Variants in TYRO3 observed in about 807,000 individuals in gnomAD.
TYRO3 encodes the protein tyrosine-protein kinase receptor TYRO3.
In TYRO3, 38 loss-of-function variants were observed where a neutral mutation model predicts 95.2. The observed-to-expected ratio is 0.40, with a 90% CI of 0.31 to 0.52. TYRO3 has a LOEUF of 0.52. Ranked by LOEUF, TYRO3 falls within the 20% of genes least tolerant of loss-of-function variation. The pLI is 0.56. For synonymous variants in TYRO3, 367 were observed against 432.9 expected (o/e 0.85, Z 1.89); for missense variants, 812 against 1,116.4 (o/e 0.73, Z 3.89).
rs751440947 is a variant in TYRO3 at position 41,562,679 on chromosome 15, G to A, written c.541G>A (p.Gly181Arg). The A allele has an allele frequency of 5.6e-6, 9 of 1,613,908 alleles. No homozygotes were observed. The highest frequency in any genetic ancestry group is 5.0e-5 in the Admixed American group (3 of 59,988). Residue 181 changes from glycine (G) to arginine (R), a missense_variant, in exon 4 of 19, where the codon GGG (glycine) becomes AGG (arginine). Gly to Arg is a moderately radical substitution (Grantham distance 125, BLOSUM62 -2). Transcript: ENST00000263798. ...CTGGTGGAGAGGAACTACGAAGATCGGGGGACCCGCTCCCTCTCCATCTGT... is the reference window on the plus strand; with the variant it reads ...CTGGTGGAGAGGAACTACGAAGATCAGGGGACCCGCTCCCTCTCCATCTGT... ...IVWWRGTTKIGGPAPSPSVLN... is the reference protein window; with the variant it reads ...IVWWRGTTKIRGPAPSPSVLN...
chr15:41,573,219 C>T, intron 16 of TYRO3, 89 bp from the exon 17 acceptor site: 1 of 1,440,058 alleles, frequency 6.9e-7, no homozygotes, highest in African/African-American at 1.4e-5. Context: ...ATGGGGGTAG[C>T]TTGGGAGCAA....
chr15:41,563,963 T>C (rs1197209468), intron 4 of TYRO3, among the ~76,000 whole-genome samples: 1 of 152,292 alleles, frequency 6.6e-6, no homozygotes, highest in Non-Finnish European at 1.5e-5. Flanking sequence ...ATTACCTGAT[T>C]CTCACAATTC....
In TYRO3 at chr15:41,573,719, G is replaced by A; in HGVS notation, c.2186G>A (p.Gly729Glu). ...ACCATGTGGGAGATCATGACACGTG[G>A]GCAGACGCCATATGCTGGCATCGAA... is the stretch of plus-strand genomic sequence containing the variant. ...GVTMWEIMTR[G>E]QTPYAGIENA... Residue 729 changes from glycine to glutamate, a missense_variant, in exon 18 of 19, where the codon GGG becomes GAG. Coordinates refer to ENST00000263798, the MANE Select transcript of TYRO3 (RefSeq NM_006293.4). The A allele has an allele frequency of 1.9e-6, 3 of 1,614,278 alleles. No individual in the cohort carries two copies. Among genetic ancestry groups the A allele is most frequent in the Non-Finnish European group, 1.7e-6 (2 of 1,180,060 alleles).
chr15:41,561,563 C>T lies in TYRO3; in HGVS notation c.333C>T (p.Asp111=), dbSNP rs56017003. Residue 111 remains aspartate, a synonymous_variant, in exon 3 of 19, where the codon GAC becomes GAT. Coordinates refer to ENST00000263798, the MANE Select transcript of TYRO3 (RefSeq NM_006293.4). Reference sequence around the variant, plus strand: ...GCCTGAAGTCAGTGGAGCGCTCTGACGCCGGCCGGTACTGGTGCCAGGTGG... The same window carrying T: ...GCCTGAAGTCAGTGGAGCGCTCTGATGCCGGCCGGTACTGGTGCCAGGTGG... The part of the protein sequence containing the change: ...FLSLKSVERS[D]AGRYWCQVED... The T allele has an allele frequency of 4.0e-5, 63 of 1,591,442 alleles. No individual in the cohort carries two copies. The highest frequency in any genetic ancestry group is 1.7e-4 in the Middle Eastern group (1 of 6,048).
chr15:41,570,372 T>C, intron 11 of TYRO3, 32 bp downstream of exon 11: 1 of 1,145,292 alleles, frequency 8.7e-7, no homozygotes, highest in Non-Finnish European at 1.3e-6. Context: ...GAAGGACAAA[T>C]GGGCTGTCTT....
chr15:41,561,909 G>T, intron 3 of TYRO3: 1 of 343,152 alleles, frequency 2.9e-6, no homozygotes, highest in South Asian at 2.8e-5. Flanking sequence ...GCATCCATCT[G>T]GGACTGGACC....
At chr15:41,572,079 C>T (rs1047084286) in intron 14 of TYRO3, among the ~76,000 whole-genome samples, 1 of 151,806 alleles carries the variant, frequency 6.6e-6, no homozygotes, top group Admixed American at 6.6e-5. Context: ...GCACCTTTGT[C>T]CAGCTACCCG....
At position 41,570,271 on chromosome 15, in the gene TYRO3, G is replaced by A. The variant is rs2055778194; in HGVS notation, c.1414G>A (p.Glu472Lys). Residue 472 changes from glutamate (E) to lysine (K), a missense_variant, in exon 11 of 19, where the codon GAG becomes AAG. Coordinates refer to ENST00000263798, the MANE Select transcript of TYRO3 (RefSeq NM_006293.4). ...QAFDSVMARG[E>K]PAVHFRAARS... is the part of the protein sequence containing the mutation. ...CTTTGACAGTGTCATGGCCCGGGGA[G>A]AGCCAGCCGTTCACTTCCGGGCAGC... 6.2e-7 allele frequency: 1 copy of A among 1,614,052 alleles called. No homozygotes were observed. Among genetic ancestry groups the A allele is most frequent in the Admixed American group, 1.7e-5 (1 of 60,002 alleles).
intron 1 of TYRO3, among the ~76,000 whole-genome samples, chr15:41,560,841 C>T (rs746033351): frequency 7.3e-5 from 11 of 151,000 alleles, no homozygotes; most frequent in Non-Finnish European, 1.6e-4. Flanking sequence ...GGGTAACTCC[C>T]ATCGTTTCAG....
chr15:41,570,446 C>T, intron 11 of TYRO3, 106 bp downstream of exon 11: 1 of 1,314,292 alleles, frequency 7.6e-7, no homozygotes. Flanking sequence ...CATCAGTGAG[C>T]CCCAGGCACA....
intron 12 of TYRO3, 81 bp from the exon 13 acceptor site, chr15:41,570,956 TC>T: frequency 6.9e-7 from 1 of 1,456,058 alleles, no homozygotes; most frequent in Non-Finnish European, 9.6e-7. Flanking sequence ...CTGACTGTGT[TC>T]CCATGGAGGG....
rs753283529 is a variant in TYRO3 at position 41,570,339 on chromosome 15, A to G, written c.1482A>G (p.Thr494=). ...NRERPERIEA[T]LDSLGISDEL... Reference sequence around the variant, plus strand: ...AAAGGCCCGAGCGCATCGAGGCCACATGTGAGTGGTGGGTGATCGTGGGAA... The same window carrying G: ...AAAGGCCCGAGCGCATCGAGGCCACGTGTGAGTGGTGGGTGATCGTGGGAA... The change falls in exon 11 of 19, where the codon ACA becomes ACG. Residue 494 remains threonine (T), a splice_region_variant and synonymous_variant. Transcript: ENST00000263798. The G allele has an allele frequency of 6.2e-7, 1 of 1,613,788 alleles. No homozygotes were observed. The highest frequency in any genetic ancestry group is 1.1e-5 in the South Asian group (1 of 91,064).
At position 41,561,631 on chromosome 15, in the gene TYRO3, C is replaced by A. The variant is rs911381977; in HGVS notation, c.401C>A (p.Thr134Lys). 6.3e-7 allele frequency: 1 copy of A among 1,581,856 alleles called. No homozygotes were observed. Among genetic ancestry groups the A allele is most frequent in the South Asian group, 1.2e-5 (1 of 85,926 alleles). Residue 134 changes from threonine to lysine, a missense_variant, in exon 3 of 19, where the codon ACG (threonine) becomes AAG (lysine). Coordinates refer to ENST00000263798, the MANE Select transcript of TYRO3 (RefSeq NM_006293.4). ...ETEISQPVWLTVEGVPFFTVE... is the reference protein window; with the variant it reads ...ETEISQPVWLKVEGVPFFTVE... ...GAGATCTCCCAGCCAGTGTGGCTCA[C>A]GGTAGAAGGTGAGGAGGCAGAGCCA...
chr15:41,569,910 A>G, intron 9 of TYRO3, 117 bp from the exon 10 acceptor site: 3 of 1,326,546 alleles, frequency 2.3e-6, no homozygotes, highest in Non-Finnish European at 1.0e-6. Context: ...CCTTTCCCTC[A>G]GGACCCTTAT....
chr15:41,570,147 C>G lies in TYRO3; in HGVS notation c.1373C>G (p.Thr458Arg). The G allele has an allele frequency of 6.2e-7, 1 of 1,614,154 alleles. No individual in the cohort carries two copies. The highest frequency in any genetic ancestry group is 8.5e-7 in the Non-Finnish European group (1 of 1,180,036). The change falls in exon 10 of 19, where the codon ACG becomes AGG. Residue 458 changes from threonine (T) to arginine (R), a missense_variant. Transcript: ENST00000263798. ...CTGCTTCGAAAGAGACGGAAAGAGA[C>G]GCGGTTTGGGTAAGGGGATGGGGAT... is the stretch of plus-strand genomic sequence containing the variant. ...LILLRKRRKE[T>R]RFGQAFDSVM...
In TYRO3 at chr15:41,564,322, C is replaced by T. The variant is rs373641420; in HGVS notation, c.667+52C>T. ...TGGATGAGGCCAGGGGCATTCCCAGCGAGCTGTCCAGCAGTTAGAATCATT... is the reference window on the plus strand; with the variant it reads ...TGGATGAGGCCAGGGGCATTCCCAGTGAGCTGTCCAGCAGTTAGAATCATT... On this transcript the variant is annotated intron_variant, in intron 5 of 18. Coordinates refer to ENST00000263798, the MANE Select transcript of TYRO3 (RefSeq NM_006293.4). 90 of 1,549,412 alleles carry T rather than the reference C, an allele frequency of 5.8e-5. 1 individual carries two copies. Among genetic ancestry groups the T allele is most frequent in the Middle Eastern group, 1.7e-4 (1 of 5,828 alleles).
chr15:41,572,487 A>G lies in TYRO3; in HGVS notation c.1798A>G (p.Met600Val), dbSNP rs1396851006. Residue 600 changes from methionine (M) to valine (V), a missense_variant, in exon 15 of 19, where the codon ATG becomes GTG. Transcript: ENST00000263798. ...GGCTAAAGGCCGTCTCCCCATCCCC[A>G]TGGTCATCTTGCCCTTCATGAAGCA... ...SRAKGRLPIP[M>V]VILPFMKHGD... The G allele has an allele frequency of 6.8e-6, 11 of 1,614,042 alleles. No individual in the cohort carries two copies. Among genetic ancestry groups the G allele is most frequent in the Non-Finnish European group, 9.3e-6 (11 of 1,180,038 alleles).
chr15:41,577,793 A>C (rs2055878369), intron 18 of TYRO3, 93 bp from the exon 19 acceptor site: 1 of 1,362,636 alleles, frequency 7.3e-7, no homozygotes, highest in African/African-American at 1.5e-5. Context: ...ACCAGGGAAT[A>C]AAATTTTTTA....
intron 7 of TYRO3, 90 bp downstream of exon 7, chr15:41,567,627 A>T: frequency 8.1e-7 from 1 of 1,227,774 alleles, no homozygotes; most frequent in South Asian, 2.3e-5. Context: ...GCTGGTAGAG[A>T]TGGAGGTTCA....
Sources: allele counts gnomAD v4.1 joint callset (sites outside exome capture counted in the v4.1 genomes callset), GRCh38; gene constraint gnomAD v4.1.1; transcripts MANE v1.5; gene names NCBI Gene and HGNC (gene_info 2026-07-23, HGNC 2026-07-21).